Variants in EFCAB6 observed in about 807,000 individuals in gnomAD.
EFCAB6 encodes the protein EF-hand calcium binding domain 6.
A neutral mutation model predicts 169.8 loss-of-function variants in EFCAB6; 156 were observed. The observed-to-expected ratio is 0.92, with a 90% CI of 0.81 to 1.05. The LOEUF (loss-of-function observed/expected upper bound fraction) is 1.05, where lower values mean the gene tolerates loss of function less well. EFCAB6 is among the 50% of genes least tolerant of loss of function. EFCAB6 has a pLI of 0.00. For synonymous variants in EFCAB6, 698 were observed against 676.4 expected (o/e 1.03, Z -0.50); for missense variants, 1,800 against 1,829.1 (o/e 0.98, Z 0.29).
At chr22:43,699,704 C>A (rs558864722) in intron 10 of EFCAB6, among the ~76,000 whole-genome samples, 1 of 152,250 alleles carries the variant, frequency 6.6e-6, no homozygotes, top group Non-Finnish European at 1.5e-5. Context: ...ATATTTTCTC[C>A]TTTTCCAAAA....
chr22:43,579,492 A>G (rs569943822), intron 25 of EFCAB6, among the ~76,000 whole-genome samples: 23 of 149,824 alleles, frequency 1.5e-4, no homozygotes, highest in Admixed American at 1.2e-3. Flanking sequence ...ACATGTAGGC[A>G]TCATTGCTTA....
intron 2 of EFCAB6, among the ~76,000 whole-genome samples, chr22:43,790,655 G>C (rs530336580): frequency 6.6e-6 from 1 of 152,200 alleles, no homozygotes; most frequent in Non-Finnish European, 1.5e-5. Flanking sequence ...TGTGATACCT[G>C]ACATGTGAAA....
At position 43,716,938 on chromosome 22, in the gene EFCAB6, G is replaced by A. The variant is rs200897830; in HGVS notation, c.792C>T (p.Ser264=). 563 of 1,568,842 alleles carry A rather than the reference G, an allele frequency of 3.6e-4. 6 individuals carry two copies. In the South Asian group the frequency reaches 4.2e-3, roughly 12 times the overall value. Residue 264 remains serine (S), a synonymous_variant, in exon 9 of 32, where the codon TCC becomes TCT. Transcript: ENST00000262726. ...CAGAACCTAGCAAACGTTCCTTTTT[G>A]GAATTTTTGGCTTGTTGATTCTCCA... ...VSLENQQAKN[S]KKERLLGSAS...
intron 18 of EFCAB6, among the ~76,000 whole-genome samples, chr22:43,634,844 C>A (rs184841417): frequency 3.7e-4 from 57 of 152,302 alleles, no homozygotes; most frequent in Non-Finnish European, 8.2e-4. Flanking sequence ...AAGAAACAGG[C>A]TTTGGGGCAC....
At chr22:43,779,362 G>A (rs1415212617) in intron 3 of EFCAB6, among the ~76,000 whole-genome samples, 4 of 152,176 alleles carry the variant, frequency 2.6e-5, no homozygotes, top group Non-Finnish European at 4.4e-5. Context: ...TTGTGCATGC[G>A]TGAAAAAGAG....
chr22:43,666,918 A>G (rs945336045), intron 17 of EFCAB6, among the ~76,000 whole-genome samples, 186 bp downstream of exon 17: 3 of 151,730 alleles, frequency 2.0e-5, no homozygotes, highest in Non-Finnish European at 4.4e-5. Flanking sequence ...TATTGAAAGT[A>G]TTCTCTAAGA....
chr22:43,541,691 T>G (rs2047737697), intron 27 of EFCAB6, among the ~76,000 whole-genome samples: 1 of 152,164 alleles, frequency 6.6e-6, no homozygotes, highest in Non-Finnish European at 1.5e-5. Flanking sequence ...CAGACAGGAA[T>G]CAGCTCCCCC....
intron 15 of EFCAB6, among the ~76,000 whole-genome samples, chr22:43,671,356 C>A (rs997812552): frequency 6.6e-6 from 1 of 152,122 alleles, no homozygotes. Context: ...CAGGTGCCAC[C>A]ATGCCTGGCT....
intron 16 of EFCAB6, 94 bp from the exon 17 acceptor site, chr22:43,667,366 G>A: frequency 6.9e-7 from 1 of 1,454,918 alleles, no homozygotes; most frequent in Non-Finnish European, 9.3e-7. Context: ...ACCCATGACA[G>A]TAAGAAGGTT....
In EFCAB6 at chr22:43,590,098, C is replaced by T. The variant is rs1389681817; in HGVS notation, c.3008G>A (p.Gly1003Glu). 6.2e-7 allele frequency: 1 copy of T among 1,614,000 alleles called. No homozygotes were observed. Among genetic ancestry groups the T allele is most frequent in the East Asian group, 2.2e-5 (1 of 44,872 alleles). ...CCTGTTTAGCAGATGGGTCAGCTCC[C>T]CTTCGGTAAGAGAACATCCACATTC... ...LEECGCSLTE[G>E]ELTHLLNSWG... The change falls in exon 24 of 32, where the codon GGG becomes GAG. Residue 1003 changes from glycine to glutamate, a missense_variant. Physicochemically the swap from Gly to Glu is moderately conservative, Grantham distance 98. Transcript: ENST00000262726.
At position 43,735,998 on chromosome 22, in the gene EFCAB6, G is replaced by C. The variant is rs1181044742; in HGVS notation, c.508-5C>G. 1 of 1,599,066 alleles carries C rather than the reference G, an allele frequency of 6.3e-7. No individual in the cohort carries two copies. Among genetic ancestry groups the C allele is most frequent in the Non-Finnish European group, 8.5e-7 (1 of 1,174,874 alleles). ...AGTCTTAATGTTTTTGAAAACCTAT[G>C]TACAAAAAGTGATTTAGGAAAAGTC... is the stretch of plus-strand genomic sequence containing the variant. On this transcript the variant is annotated splice_polypyrimidine_tract_variant and splice_region_variant and intron_variant, in intron 6 of 31. Coordinates refer to ENST00000262726, the MANE Select transcript of EFCAB6 (RefSeq NM_022785.4).
intron 24 of EFCAB6, among the ~76,000 whole-genome samples, chr22:43,588,950 C>T (rs965478568): frequency 2.6e-5 from 4 of 152,036 alleles, no homozygotes; most frequent in East Asian, 1.9e-4. Flanking sequence ...ATGTGGCATG[C>T]GGAGGTAAGT....
At chr22:43,605,016 T>A (rs191788120) in intron 22 of EFCAB6, among the ~76,000 whole-genome samples, 2 of 152,290 alleles carry the variant, frequency 1.3e-5, no homozygotes, top group Admixed American at 1.3e-4. Context: ...AGAGTTGAAT[T>A]CTACCTGGTT....
At chr22:43,541,747 G>A (rs1264011350) in intron 27 of EFCAB6, among the ~76,000 whole-genome samples, 1 of 152,140 alleles carries the variant, frequency 6.6e-6, no homozygotes, top group East Asian at 1.9e-4. Flanking sequence ...CTGGGCAGAT[G>A]GCCCCCCTGA....
intron 2 of EFCAB6, among the ~76,000 whole-genome samples, chr22:43,784,674 TATACACACACACACAC>T (rs2062008029): frequency 2.0e-5 from 1 of 49,636 alleles, no homozygotes; most frequent in African/African-American, 8.2e-5. Flanking sequence ...CATATACATA[TATACACACACACACAC>T]ACACACACAC....
At chr22:43,673,175 C>T (rs4823128) in intron 13 of EFCAB6, among the ~76,000 whole-genome samples, 41,678 of 151,956 alleles carry the variant, frequency 0.27, 6,824 homozygotes, top group East Asian at 0.64. Context: ...GGAAGGCTGC[C>T]GCTGGGGAAG....
At chr22:43,675,708 CA>C (rs1444617849) in intron 13 of EFCAB6, among the ~76,000 whole-genome samples, 5 of 145,488 alleles carry the variant, frequency 3.4e-5, no homozygotes, top group African/African-American at 1.3e-4. Context: ...TAAAGTGATG[CA>C]AAAAAGCAGG....
rs1302760685 is a variant in EFCAB6, at chr22:43,744,237, T to C, written c.508-8244A>G. ...GGCTATGGACAGATGGATGTGGGGA[T>C]GGATGATGAAGGATGGATGGGTGGA... On this transcript the variant is annotated intron_variant, in intron 6 of 31. Transcript: ENST00000262726. The surrounding 1 kb of genome is among the most constrained non-coding windows in gnomAD (Gnocchi z 4.3). Among the ~76,000 whole-genome samples the C allele has an allele frequency of 1.4e-5, 2 of 148,068 alleles. No individual in the cohort carries two copies. Among genetic ancestry groups the C allele is most frequent in the African/African-American group, 5.0e-5 (2 of 39,910 alleles).
chr22:43,566,843 G>A (rs1469454877), intron 26 of EFCAB6, among the ~76,000 whole-genome samples: 2 of 134,566 alleles, frequency 1.5e-5, no homozygotes, highest in Non-Finnish European at 3.2e-5. Flanking sequence ...AAGCAAGGGT[G>A]GAGTGGACCA....
Sources: allele counts gnomAD v4.1 joint callset (sites outside exome capture counted in the v4.1 genomes callset), GRCh38; gene constraint gnomAD v4.1.1; non-coding constraint Gnocchi (gnomAD v3.1); transcripts MANE v1.5; gene names NCBI Gene and HGNC (gene_info 2026-07-23, HGNC 2026-07-21).